ADAMTSL1: variants seen among roughly 807,000 people sequenced by gnomAD.
ADAMTSL1 encodes the protein ADAMTS like 1, also known as ADAMTS-like protein 1.
Under a neutral mutation model 201.8 loss-of-function variants are expected in ADAMTSL1, and 126 were observed. That is an observed-to-expected ratio of 0.62 (90% CI 0.54 to 0.72). ADAMTSL1 has a LOEUF of 0.72. ADAMTSL1 is among the 30% of genes least tolerant of loss of function. The pLI is 0.00. For synonymous variants in ADAMTSL1, 1,121 were observed against 903.4 expected (o/e 1.24, Z -4.32); for missense variants, 2,679 against 2,277.8 (o/e 1.18, Z -3.59).
intron 1 of ADAMTSL1, among the ~76,000 whole-genome samples, chr9:17,972,153 TTA>T (rs1341518464): frequency 5.4e-4 from 80 of 147,528 alleles, no homozygotes; most frequent in African/African-American, 1.9e-3. Context: ...TTTCTTTTTT[TTA>T]AATTTTTTTA....
rs905755102 is a variant in ADAMTSL1, at chr9:18,579,711, G to T, written c.474+5445G>T. On this transcript the variant is annotated intron_variant, in intron 4 of 28. Transcript: ENST00000380548. ...TAATTTCCTATTGCAGTCATCTTTT[G>T]CAGATAGCTCCACATTGTACAATTA... Among the ~76,000 whole-genome samples, 67 of 152,206 alleles carry T rather than the reference G, an allele frequency of 4.4e-4. 1 individual carries two copies. Among genetic ancestry groups the T allele is most frequent in the African/African-American group, 1.6e-3 (65 of 41,538 alleles).
At chr9:18,712,902 C>T (rs1215025598) in intron 14 of ADAMTSL1, among the ~76,000 whole-genome samples, 3 of 147,794 alleles carry the variant, frequency 2.0e-5, no homozygotes, top group East Asian at 2.0e-4. Context: ...GCGGATCTCT[C>T]GGCAGAAACC....
intron 2 of ADAMTSL1, among the ~76,000 whole-genome samples, chr9:18,173,741 G>A (rs146580190): frequency 1.4e-3 from 213 of 152,060 alleles, no homozygotes; most frequent in African/African-American, 5.0e-3. Flanking sequence ...AGTAAAATTC[G>A]GTTTAAAAAA....
chr9:18,407,001 C>T (rs904560365), intron 2 of ADAMTSL1, among the ~76,000 whole-genome samples: 4 of 152,192 alleles, frequency 2.6e-5, no homozygotes, highest in Non-Finnish European at 5.9e-5. Flanking sequence ...ATCCAACAAA[C>T]ATTTATTGAG....
At chr9:18,648,330 A>G (rs952557405) in intron 7 of ADAMTSL1, among the ~76,000 whole-genome samples, 1 of 148,370 alleles carries the variant, frequency 6.7e-6, no homozygotes, top group African/African-American at 2.5e-5. Context: ...ATGGGTCTTG[A>G]CTCTTTATCC....
intron 2 of ADAMTSL1, among the ~76,000 whole-genome samples, chr9:18,404,266 T>C (rs1432365985): frequency 2.0e-5 from 3 of 152,230 alleles, no homozygotes; most frequent in Non-Finnish European, 4.4e-5. Context: ...CCTCAATTTA[T>C]TGGGCATGAT....
chr9:18,434,865 T>C (rs765184151), intron 2 of ADAMTSL1, among the ~76,000 whole-genome samples: 2 of 152,214 alleles, frequency 1.3e-5, no homozygotes, highest in Admixed American at 1.3e-4. Flanking sequence ...TTCAAGATCA[T>C]AACCACAGTT....
chr9:18,087,977 G>C (rs1181462702), intron 1 of ADAMTSL1, among the ~76,000 whole-genome samples: 1 of 152,042 alleles, frequency 6.6e-6, no homozygotes, highest in Non-Finnish European at 1.5e-5. Context: ...ATCAGCCCTG[G>C]AGGTACCACA....
At position 17,907,339 on chromosome 9, in the gene ADAMTSL1, G is replaced by A. The variant is rs1825756365; in HGVS notation, c.87+417G>A. On this transcript the variant is annotated intron_variant, in intron 1 of 29. Transcript: ENST00000680146. ...CTTGGGCGGCGCCGGGGACACTCGGGTGCTGGGACACTCCTCCACACTTCC... is the reference window on the plus strand; with the variant it reads ...CTTGGGCGGCGCCGGGGACACTCGGATGCTGGGACACTCCTCCACACTTCC... 2.0e-5 allele frequency among the ~76,000 whole-genome samples: 3 copies of A among 152,166 alleles called. No individual in the cohort carries two copies. The South Asian group carries it at 6.2e-4, about 31-fold the overall frequency.
At chr9:18,067,334 A>G (rs1822750878) in intron 1 of ADAMTSL1, among the ~76,000 whole-genome samples, 1 of 152,180 alleles carries the variant, frequency 6.6e-6, no homozygotes. Context: ...TGTATAATGC[A>G]TGGAACAATA....
chr9:18,239,014 A>G (rs1224428915), intron 2 of ADAMTSL1, among the ~76,000 whole-genome samples: 3 of 152,222 alleles, frequency 2.0e-5, no homozygotes, highest in Non-Finnish European at 2.9e-5. Context: ...ACTGTAATCT[A>G]TTAAGTTTAT....
At chr9:18,623,489 C>G (rs528657362) in intron 5 of ADAMTSL1, among the ~76,000 whole-genome samples, 2 of 152,202 alleles carry the variant, frequency 1.3e-5, no homozygotes, top group Admixed American at 6.5e-5. Flanking sequence ...GGACTGGTCA[C>G]AGCCCCGCTG....
At chr9:18,601,564 A>G (rs958899591) in intron 4 of ADAMTSL1, among the ~76,000 whole-genome samples, 3 of 152,206 alleles carry the variant, frequency 2.0e-5, no homozygotes, top group Non-Finnish European at 4.4e-5. Flanking sequence ...TAACACAGTC[A>G]TGGCCAGTGA....
intron 2 of ADAMTSL1, among the ~76,000 whole-genome samples, chr9:18,451,040 C>G (rs1369573187): frequency 6.6e-6 from 1 of 152,110 alleles, no homozygotes; most frequent in Non-Finnish European, 1.5e-5. Context: ...GGGTAAGACA[C>G]CAAGGTAAGT....
intron 26 of ADAMTSL1, among the ~76,000 whole-genome samples, chr9:18,893,777 C>T (rs77401322): frequency 6.6e-5 from 10 of 152,082 alleles, no homozygotes; most frequent in Admixed American, 5.9e-4. Flanking sequence ...CTGTGAGACA[C>T]AAAAAAATCC....
intron 2 of ADAMTSL1, among the ~76,000 whole-genome samples, chr9:18,430,972 C>T (rs1819463285): frequency 6.6e-6 from 1 of 152,004 alleles, no homozygotes. Flanking sequence ...ATATTAGGTC[C>T]CTACAGAGAT....
intron 2 of ADAMTSL1, among the ~76,000 whole-genome samples, chr9:18,238,679 A>G (rs1352348555): frequency 1.3e-5 from 2 of 152,234 alleles, no homozygotes; most frequent in Non-Finnish European, 2.9e-5. Context: ...ACCAAATGAC[A>G]TAACTTTTTT....
At chr9:18,789,474 G>A (rs1041857441) in intron 19 of ADAMTSL1, among the ~76,000 whole-genome samples, 3 of 152,184 alleles carry the variant, frequency 2.0e-5, no homozygotes, top group African/African-American at 7.2e-5. Flanking sequence ...TGTCCGCTAT[G>A]CTATATTGTG....
intron 2 of ADAMTSL1, among the ~76,000 whole-genome samples, chr9:18,183,949 G>A (rs1440275720): frequency 1.3e-5 from 2 of 152,118 alleles, no homozygotes. Context: ...AAGTTTCAAC[G>A]GTAATTTAAA....
Sources: allele counts gnomAD v4.1 joint callset (sites outside exome capture counted in the v4.1 genomes callset), GRCh38; gene constraint gnomAD v4.1.1; transcripts MANE v1.5; gene names NCBI Gene and HGNC (gene_info 2026-07-23, HGNC 2026-07-21).